PLEKHA7: variants seen among roughly 807,000 people sequenced by gnomAD.
PLEKHA7 encodes the protein pleckstrin homology domain-containing family A member 7.
PLEKHA7 carries 104 observed loss-of-function variants against 170.0 expected under a neutral mutation model. The ratio of observed to expected loss-of-function variants is 0.61; its 90% CI spans 0.52 to 0.72. The LOEUF (loss-of-function observed/expected upper bound fraction) is 0.72. Among genes scored for constraint, PLEKHA7 ranks in the 30% least tolerant of loss-of-function variants. The pLI, the probability that PLEKHA7 is intolerant of heterozygous loss-of-function variation, is 0.00. For missense variants in PLEKHA7, 1,615 were observed against 1,671.7 expected (o/e 0.97, Z 0.59); for synonymous variants, 648 against 660.8 (o/e 0.98, Z 0.30).
chr11:16,788,231 G>A (rs1000386639), intron 23 of PLEKHA7: 2 of 152,424 alleles, frequency 1.3e-5, no homozygotes, highest in African/African-American at 2.4e-5. Flanking sequence ...TGCATGAAGA[G>A]GGCAGCAGAA....
intron 25 of PLEKHA7, 48 bp downstream of exon 25, chr11:16,783,652 A>C: frequency 1.5e-6 from 2 of 1,350,678 alleles, no homozygotes; most frequent in Non-Finnish European, 1.9e-6. Flanking sequence ...TAGAGACGCC[A>C]CCTGGGGTCA....
At chr11:16,851,074 A>C (rs1852903458) in intron 8 of PLEKHA7, 117 bp downstream of exon 8, 2 of 651,044 alleles carry the variant, frequency 3.1e-6, no homozygotes, top group Non-Finnish European at 5.0e-6. Flanking sequence ...TGTTAACCGG[A>C]ATCTGAAACT....
At chr11:16,887,097 AG>A (rs1356120075) in intron 3 of PLEKHA7, among the ~76,000 whole-genome samples, 1 of 152,196 alleles carries the variant, frequency 6.6e-6, no homozygotes, top group Non-Finnish European at 1.5e-5. Flanking sequence ...AGGATATGAA[AG>A]AAGAGCAATA....
chr11:17,007,684 C>A (rs1865090968), intron 3 of PLEKHA7, among the ~76,000 whole-genome samples: 1 of 151,942 alleles, frequency 6.6e-6, no homozygotes, highest in Non-Finnish European at 1.5e-5. Flanking sequence ...AGTGATCCTC[C>A]CACCTCAGCC....
At chr11:16,901,638 G>A (rs1857343897) in intron 3 of PLEKHA7, among the ~76,000 whole-genome samples, 1 of 152,214 alleles carries the variant, frequency 6.6e-6, no homozygotes, top group Admixed American at 6.5e-5. Context: ...GGAGGCCAAG[G>A]CCGGAAGATA....
chr11:16,940,867 A>C (rs1357924034), intron 3 of PLEKHA7, among the ~76,000 whole-genome samples: 7 of 152,258 alleles, frequency 4.6e-5, no homozygotes, highest in Non-Finnish European at 2.9e-5. Flanking sequence ...GGCTGTAGAC[A>C]ACAGGCCCAG....
chr11:16,791,166 C>T lies in PLEKHA7; in HGVS notation c.2779G>A (p.Glu927Lys), dbSNP rs200617051. The T allele has an allele frequency of 3.6e-5, 58 of 1,608,304 alleles. No individual in the cohort carries two copies. Among genetic ancestry groups the T allele is most frequent in the Admixed American group, 1.0e-4 (6 of 59,350 alleles). The change falls in exon 20 of 27, where the codon GAA (glutamate) becomes AAA (lysine). Residue 927 changes from glutamate (E) to lysine (K), a missense_variant. Coordinates refer to ENST00000531066, the MANE Select transcript of PLEKHA7 (RefSeq NM_001329630.2). The surrounding 1 kb of genome is among the most constrained non-coding windows in gnomAD (Gnocchi z 4.5). ...GGCTGGTCCTCTGGGCTGTAGAGTT[C>T]GGGGAGTGGGGGCCTGGGAGGTGCT... Reference protein sequence around the residue: ...DEAPPRPPLPELYSPEDQPPA... With the variant: ...DEAPPRPPLPKLYSPEDQPPA...
At chr11:16,998,333 C>G (rs1272719809) in intron 3 of PLEKHA7, among the ~76,000 whole-genome samples, 1 of 152,114 alleles carries the variant, frequency 6.6e-6, no homozygotes, top group African/African-American at 2.4e-5. Context: ...TCAAACCTTT[C>G]CACTGACTCA....
At chr11:16,932,453 T>C (rs1017251463) in intron 3 of PLEKHA7, among the ~76,000 whole-genome samples, 31 of 152,084 alleles carry the variant, frequency 2.0e-4, no homozygotes, top group Non-Finnish European at 3.8e-4. Flanking sequence ...GGCTAATTTT[T>C]CAATTTTTTT....
At chr11:16,969,861 G>A (rs905724203) in intron 3 of PLEKHA7, among the ~76,000 whole-genome samples, 3 of 152,200 alleles carry the variant, frequency 2.0e-5, no homozygotes, top group Non-Finnish European at 2.9e-5. Flanking sequence ...CTTTTCTCTT[G>A]AAGCTAGTTT....
At chr11:16,892,810 CTTTGT>C (rs1242443858) in intron 3 of PLEKHA7, among the ~76,000 whole-genome samples, 1 of 151,980 alleles carries the variant, frequency 6.6e-6, no homozygotes, top group Non-Finnish European at 1.5e-5. Flanking sequence ...CTATGTTGAA[CTTTGT>C]TTTATTTATT....
At chr11:17,013,950 C>T (rs928637899) in intron 3 of PLEKHA7, 39 bp downstream of exon 3, 2 of 1,510,388 alleles carry the variant, frequency 1.3e-6, no homozygotes, top group Non-Finnish European at 1.8e-6. Flanking sequence ...ACCCCCCCCC[C>T]GCGGCACAGG....
intron 3 of PLEKHA7, among the ~76,000 whole-genome samples, chr11:17,007,574 C>CTTTTT (rs57078018): frequency 8.6e-6 from 1 of 116,196 alleles, no homozygotes; most frequent in African/African-American, 3.2e-5. Context: ...TCTAAAGATG[C>CTTTTT]TTTTTTTTTT....
intron 3 of PLEKHA7, among the ~76,000 whole-genome samples, chr11:16,895,303 G>A (rs886852303): frequency 2.0e-5 from 3 of 152,134 alleles, no homozygotes; most frequent in Admixed American, 6.5e-5. Flanking sequence ...TTAGAACCCC[G>A]AACTTGCTAC....
Position 16,782,799 on chromosome 11 carries a change from A to G in PLEKHA7, c.3748T>C (p.Tyr1250His), listed in dbSNP as rs1412084146. Residue 1250 changes from tyrosine (Y) to histidine (H), a missense_variant, in exon 26 of 27, where the codon TAC (tyrosine) becomes CAC (histidine). By Grantham distance (83) the Tyr-to-His change is moderately conservative. Transcript: ENST00000531066. ...TGGGAGGCCTCGGAGGCCAGGGCGT[A>G]GGAGATGTTGATGATGCGCTCCTGC... is the stretch of plus-strand genomic sequence containing the variant. ...QEQERIINIS[Y>H]ALASEASQRS... is the part of the protein sequence containing the mutation. The G allele has an allele frequency of 1.7e-5, 26 of 1,535,976 alleles. No individual in the cohort carries two copies. The highest frequency in any genetic ancestry group is 2.3e-5 in the Non-Finnish European group (26 of 1,146,856).
At chr11:16,979,953 C>A (rs1180468795) in intron 3 of PLEKHA7, among the ~76,000 whole-genome samples, 2 of 152,182 alleles carry the variant, frequency 1.3e-5, no homozygotes, top group Non-Finnish European at 2.9e-5. Context: ...AGTGGCCACA[C>A]TGGCAGGTAC....
intron 3 of PLEKHA7, among the ~76,000 whole-genome samples, chr11:16,931,755 TCC>T (rs11318824): frequency 0.02 from 2,472 of 124,666 alleles, 76 homozygotes; most frequent in African/African-American, 0.077. Flanking sequence ...TGAGATTCCA[TCC>T]CCCCCCCCCC....
intron 3 of PLEKHA7, among the ~76,000 whole-genome samples, chr11:16,938,258 TG>T (rs1860444152): frequency 6.6e-6 from 1 of 152,174 alleles, no homozygotes; most frequent in Admixed American, 6.5e-5. Context: ...CTTGCTGGTG[TG>T]TTACCCTAGA....
rs57104068 is a variant in PLEKHA7, at chr11:16,936,401, CAAAAAAAAA to C, written c.222-65228_222-65220del. Among the ~76,000 whole-genome samples the C allele has an allele frequency of 3.6e-3, 245 of 68,146 alleles. 5 individuals carry two copies. The highest frequency in any genetic ancestry group is 0.011 in the African/African-American group (200 of 18,882). The allele number at this position is 68,146 out of a possible 152,430, so 44.7% of individuals were successfully genotyped here. A position where few individuals can be genotyped will look rare whatever the true frequency, so the allele number is the denominator to read the frequency against. ...TGGGAAATAGCGTGAGACTCTGTCT[CAAAAAAAAA>C]AAAAAAAAAAAAAAAATCAGGTCTC... On this transcript the variant is annotated intron_variant, in intron 3 of 26. Transcript: ENST00000531066.
Sources: allele counts gnomAD v4.1 joint callset (sites outside exome capture counted in the v4.1 genomes callset), GRCh38; gene constraint gnomAD v4.1.1; non-coding constraint Gnocchi (gnomAD v3.1); transcripts MANE v1.5; gene names NCBI Gene and HGNC (gene_info 2026-07-23, HGNC 2026-07-21).